XPO6: variants seen among roughly 807,000 people sequenced by gnomAD.
XPO6 encodes exportin 6, also known as exportin-6.
A neutral mutation model predicts 130.0 loss-of-function variants in XPO6; 3 were observed. The observed-to-expected ratio is 0.02, with a 90% CI of 0.01 to 0.06. XPO6 has a LOEUF of 0.06. Ranked by LOEUF, XPO6 falls within the 10% of genes least tolerant of loss-of-function variation. The pLI, the probability that XPO6 is intolerant of heterozygous loss-of-function variation, is 1.00. For synonymous variants in XPO6, 524 were observed against 548.9 expected, an observed-to-expected ratio of 0.95 and a Z score of 0.63; for missense variants, 970 against 1,393.0, an observed-to-expected ratio of 0.70 and a Z score of 4.83.
At chr16:28,181,461 C>G (rs544081932) in intron 1 of XPO6, among the ~76,000 whole-genome samples, 2 of 151,842 alleles carry the variant, frequency 1.3e-5, no homozygotes, top group South Asian at 2.1e-4. Flanking sequence ...ATTCACAGCA[C>G]TTATATCAAA....
rs536946124 is a variant in XPO6 at position 28,152,705 on chromosome 16, G to C, written c.1178C>G (p.Pro393Arg). ...LRRIESYSQF[P>R]VVEFLTLLFK... ...CAAAAGTGTCAAAAACTCCACCACA[G>C]GGAACTGGGAGTAAGACTCGATTCT... Residue 393 changes from proline to arginine, a missense_variant, in exon 8 of 24, where the codon CCT becomes CGT. Physicochemically the swap from Pro to Arg is moderately radical, Grantham distance 103 (BLOSUM62 -2). Transcript: ENST00000304658. 1.9e-6 allele frequency: 3 copies of C among 1,613,272 alleles called. No individual in the cohort carries two copies. Among genetic ancestry groups the C allele is most frequent in the Non-Finnish European group, 2.5e-6 (3 of 1,179,748 alleles).
intron 13 of XPO6, among the ~76,000 whole-genome samples, chr16:28,122,579 C>T (rs934545537): frequency 6.6e-6 from 1 of 152,010 alleles, no homozygotes; most frequent in Non-Finnish European, 1.5e-5. Flanking sequence ...CATGCCATTG[C>T]ACTCCAGCCT....
intron 14 of XPO6, 98 bp downstream of exon 14, chr16:28,121,572 A>G: frequency 3.3e-6 from 3 of 910,882 alleles, no homozygotes; most frequent in Non-Finnish European, 5.4e-6. Flanking sequence ...TCCCTGATTC[A>G]TGGCAGCCAC....
chr16:28,210,612 G>A (rs964880170), intron 1 of XPO6, among the ~76,000 whole-genome samples: 2 of 152,086 alleles, frequency 1.3e-5, no homozygotes, highest in African/African-American at 2.4e-5. Context: ...TGAAAGTATC[G>A]GTCTAGAAAA....
intron 4 of XPO6, among the ~76,000 whole-genome samples, chr16:28,170,971 G>C (rs758484366): frequency 4.6e-5 from 7 of 151,786 alleles, no homozygotes; most frequent in Non-Finnish European, 1.0e-4. Context: ...AAAATTATCT[G>C]TTGAGTTAAT....
intron 8 of XPO6, among the ~76,000 whole-genome samples, chr16:28,151,339 A>C (rs1050039535): frequency 6.6e-6 from 1 of 152,238 alleles, no homozygotes; most frequent in African/African-American, 2.4e-5. Context: ...GAAGCAGCCA[A>C]ATCAGCAGGG....
intron 1 of XPO6, among the ~76,000 whole-genome samples, chr16:28,206,513 G>A (rs1196950788): frequency 1.3e-5 from 2 of 151,874 alleles, no homozygotes; most frequent in Non-Finnish European, 2.9e-5. Context: ...GTGCTGCTGC[G>A]CCCCAGCCTG....
At chr16:28,136,656 A>T (rs2042783925) in intron 9 of XPO6, among the ~76,000 whole-genome samples, 1 of 152,248 alleles carries the variant, frequency 6.6e-6, no homozygotes, top group Non-Finnish European at 1.5e-5. Context: ...TCAAAGAAAT[A>T]CTCAGAGCGG....
chr16:28,129,793 C>G (rs140102899), intron 12 of XPO6, among the ~76,000 whole-genome samples: 1 of 152,176 alleles, frequency 6.6e-6, no homozygotes, highest in Non-Finnish European at 1.5e-5. Flanking sequence ...ATCCCTTACA[C>G]AGGAAAGTTT....
chr16:28,175,401 A>G (rs562704625), intron 4 of XPO6, among the ~76,000 whole-genome samples: 5 of 152,186 alleles, frequency 3.3e-5, no homozygotes, highest in Admixed American at 1.3e-4. Context: ...GGAACCCCCC[A>G]ACCCTTCCTG....
At chr16:28,121,190 C>G (rs2087226920) in intron 14 of XPO6, among the ~76,000 whole-genome samples, 1 of 152,268 alleles carries the variant, frequency 6.6e-6, no homozygotes, top group African/African-American at 2.4e-5. Context: ...CGCAAATACC[C>G]AAGCCTTATG....
chr16:28,172,119 G>A (rs1400838567), intron 4 of XPO6, among the ~76,000 whole-genome samples: 1 of 152,190 alleles, frequency 6.6e-6, no homozygotes, highest in Non-Finnish European at 1.5e-5. Context: ...TTTAGGGGAA[G>A]GGGAGAAGGT....
At position 28,211,682 on chromosome 16, in the gene XPO6, G is replaced by T. The variant is rs1020755264; in HGVS notation, c.-314C>A. 3.2e-5 allele frequency: 12 copies of T among 378,150 alleles called. No individual in the cohort carries two copies. Among genetic ancestry groups the T allele is most frequent in the African/African-American group, 2.8e-4 (12 of 43,586 alleles). The allele number at this position is 378,150 out of a possible 1,614,324, so 23.4% of individuals were successfully genotyped here. A position where few individuals can be genotyped will look rare whatever the true frequency, so the allele number is the denominator to read the frequency against. ...GGACCCCCGCCCGGGCCCGACCCCC[G>T]CGGGGGAGGCTGCGGGCCCAGGCAG... On this transcript the variant is annotated 5_prime_UTR_variant, in exon 1 of 24. Transcript: ENST00000304658.
intron 1 of XPO6, among the ~76,000 whole-genome samples, chr16:28,210,265 T>A (rs1326631402): frequency 6.6e-6 from 1 of 152,226 alleles, no homozygotes; most frequent in African/African-American, 2.4e-5. Flanking sequence ...ACAGGCCCCT[T>A]GAATGTTTCG....
At chr16:28,169,469 G>A (rs1005098520) in intron 5 of XPO6, among the ~76,000 whole-genome samples, 6 of 152,190 alleles carry the variant, frequency 3.9e-5, no homozygotes, top group East Asian at 1.9e-4. Flanking sequence ...TGCAGTGATC[G>A]GCACTGTAGG....
intron 1 of XPO6, among the ~76,000 whole-genome samples, chr16:28,184,986 A>G (rs555064775): frequency 2.0e-5 from 3 of 152,218 alleles, no homozygotes; most frequent in Non-Finnish European, 4.4e-5. Context: ...TCACAGCACT[A>G]TTATACACAA....
At chr16:28,202,270 C>T (rs1320682522) in intron 1 of XPO6, among the ~76,000 whole-genome samples, 1 of 152,178 alleles carries the variant, frequency 6.6e-6, no homozygotes, top group Non-Finnish European at 1.5e-5. Flanking sequence ...ACTTAAAATT[C>T]AGGGCCCATG....
At chr16:28,195,122 G>A (rs1403555729) in intron 1 of XPO6, among the ~76,000 whole-genome samples, 2 of 151,858 alleles carry the variant, frequency 1.3e-5, no homozygotes, top group Non-Finnish European at 2.9e-5. Flanking sequence ...CTCATACAGG[G>A]ATGGCAAGAC....
chr16:28,168,730 T>C (rs1307810479), intron 5 of XPO6, among the ~76,000 whole-genome samples: 1 of 151,164 alleles, frequency 6.6e-6, no homozygotes, highest in East Asian at 1.9e-4. Flanking sequence ...GCCTCCTGAG[T>C]AGCTGGGACT....
Sources: allele counts gnomAD v4.1 joint callset (sites outside exome capture counted in the v4.1 genomes callset), GRCh38; gene constraint gnomAD v4.1.1; transcripts MANE v1.5; gene names NCBI Gene and HGNC (gene_info 2026-07-23, HGNC 2026-07-21).